The following CSMD1 variants were observed in gnomAD, a reference collection of about 807,000 sequenced individuals.
CSMD1 encodes the protein CUB and sushi domain-containing protein 1.
Under a neutral mutation model 417.5 loss-of-function variants are expected in CSMD1, and 213 were observed. The ratio of observed to expected loss-of-function variants is 0.51; its 90% confidence interval spans 0.46 to 0.57. CSMD1 has a LOEUF of 0.57. Ranked by LOEUF, CSMD1 falls within the 20% of genes least tolerant of loss-of-function variation. The pLI is 0.00. For missense variants in CSMD1, 6,923 were observed against 4,529.7 expected, an observed-to-expected ratio of 1.53 and a Z score of -15.17; for synonymous variants, 2,862 against 1,736.8, an observed-to-expected ratio of 1.65 and a Z score of -16.11.
At chr8:3,503,178 C>A (rs1314635001) in intron 10 of CSMD1, among the ~76,000 whole-genome samples, 1 of 152,152 alleles carries the variant, frequency 6.6e-6, no homozygotes, top group Non-Finnish European at 1.5e-5. Flanking sequence ...GAAAAAAGTA[C>A]TTTGAACACA....
intron 1 of CSMD1, among the ~76,000 whole-genome samples, chr8:4,832,563 T>A (rs1314551725): frequency 6.6e-6 from 1 of 152,160 alleles, no homozygotes; most frequent in Non-Finnish European, 1.5e-5. Context: ...TTTACAGAAA[T>A]GATTGGTTGT....
At chr8:4,078,346 G>A (rs559168901) in intron 3 of CSMD1, among the ~76,000 whole-genome samples, 9 of 122,382 alleles carry the variant, frequency 7.4e-5, no homozygotes, top group Admixed American at 2.9e-4. Flanking sequence ...AGGGAGTCTT[G>A]CTCTGTGTCG....
chr8:3,703,439 CAT>C (rs1585102223), intron 7 of CSMD1, among the ~76,000 whole-genome samples: 2 of 31,852 alleles, frequency 6.3e-5, no homozygotes, highest in East Asian at 8.3e-4. Flanking sequence ...TCTCCCTTTT[CAT>C]TCATTCATTC....
At chr8:4,005,463 G>A (rs939650825) in intron 4 of CSMD1, among the ~76,000 whole-genome samples, 2 of 152,086 alleles carry the variant, frequency 1.3e-5, no homozygotes, top group African/African-American at 4.8e-5. Context: ...TCAACATGGT[G>A]GCCGACATGA....
intron 8 of CSMD1, among the ~76,000 whole-genome samples, chr8:3,601,773 G>A (rs992118422): frequency 6.6e-6 from 1 of 152,188 alleles, no homozygotes; most frequent in Admixed American, 6.5e-5. Context: ...CATTCTCCCT[G>A]CTCCCTAATG....
chr8:4,176,367 C>G (rs1714786), intron 3 of CSMD1, among the ~76,000 whole-genome samples: 1 of 152,094 alleles, frequency 6.6e-6, no homozygotes, highest in African/African-American at 2.4e-5. Context: ...TGACAACAAT[C>G]TACACTCTTA....
intron 1 of CSMD1, among the ~76,000 whole-genome samples, chr8:4,872,625 G>C (rs1227500043): frequency 6.6e-6 from 1 of 152,064 alleles, no homozygotes; most frequent in African/African-American, 2.4e-5. Flanking sequence ...GTTCTTTACA[G>C]TGGTATGAAA....
At chr8:3,932,551 T>C (rs1810223765) in intron 5 of CSMD1, among the ~76,000 whole-genome samples, 1 of 150,622 alleles carries the variant, frequency 6.6e-6, no homozygotes, top group African/African-American at 2.4e-5. Flanking sequence ...ACAATTAAAG[T>C]TCAATGCATT....
At chr8:3,188,774 A>T in intron 35 of CSMD1, 113 bp downstream of exon 35, 2 of 920,310 alleles carry the variant, frequency 2.2e-6, no homozygotes, top group Non-Finnish European at 3.0e-6. Context: ...AAAGGAAAAA[A>T]GAGAGAGGGA....
chr8:4,884,448 T>C (rs1803598247), intron 1 of CSMD1, among the ~76,000 whole-genome samples: 1 of 152,016 alleles, frequency 6.6e-6, no homozygotes, highest in African/African-American at 2.4e-5. Context: ...GAAAACAAAA[T>C]TGCTTTCTAC....
intron 5 of CSMD1, among the ~76,000 whole-genome samples, chr8:3,774,410 C>G (rs191846009): frequency 6.6e-6 from 1 of 152,114 alleles, no homozygotes; most frequent in Admixed American, 6.6e-5. Context: ...TCAAAGATGC[C>G]GTCAGCCTGC....
rs1243729765 is a variant in CSMD1, at chr8:3,466,136, T to A, written c.1561+2576A>T. ...ATTTCTTAAGTTCTTACTCCATGTG[T>A]TATGAGCCTTACATGTTTTACTCAG... On this transcript the variant is annotated intron_variant, in intron 12 of 69. Coordinates refer to ENST00000635120, the MANE Select transcript of CSMD1 (RefSeq NM_033225.6). Among the ~76,000 whole-genome samples, 34 of 152,184 alleles carry A rather than the reference T, an allele frequency of 2.2e-4. 1 individual carries two copies.
intron 2 of CSMD1, among the ~76,000 whole-genome samples, chr8:4,589,899 T>C (rs973175729): frequency 3.3e-5 from 5 of 152,194 alleles, no homozygotes; most frequent in Non-Finnish European, 7.3e-5. Flanking sequence ...ACCTGCCTTC[T>C]GACACCATAG....
At chr8:3,542,101 A>C (rs943857726) in intron 10 of CSMD1, among the ~76,000 whole-genome samples, 13 of 152,206 alleles carry the variant, frequency 8.5e-5, no homozygotes, top group African/African-American at 2.9e-4. Flanking sequence ...ATAGTCTTTA[A>C]AAAATTCAAC....
chr8:3,758,301 G>T (rs11785304), intron 5 of CSMD1, among the ~76,000 whole-genome samples: 59,470 of 152,076 alleles, frequency 0.39, 12,190 homozygotes, highest in Non-Finnish European at 0.45. Context: ...AAGGGTGAGG[G>T]CTTTAGACCA....
chr8:3,750,481 C>T (rs1797281717), intron 6 of CSMD1, among the ~76,000 whole-genome samples: 1 of 151,584 alleles, frequency 6.6e-6, no homozygotes, highest in African/African-American at 2.4e-5. Context: ...CTTATTAGTC[C>T]CCAAATATCA....
intron 68 of CSMD1, 89 bp from the exon 69 acceptor site, chr8:2,942,693 C>A: frequency 1.0e-6 from 1 of 1,003,962 alleles, no homozygotes; most frequent in South Asian, 2.8e-5. Flanking sequence ...GATACGAACT[C>A]TTCAAGAAGC....
rs1809079499 is a variant in CSMD1 at position 3,018,657 on chromosome 8, G to A, written c.7856-7C>T. 2 of 1,605,796 alleles carry A rather than the reference G, an allele frequency of 1.2e-6. No homozygotes were observed. Among genetic ancestry groups the A allele is most frequent in the Non-Finnish European group, 1.7e-6 (2 of 1,175,078 alleles). Reference sequence around the variant, plus strand: ...AGGCTTCCACACGAGATAACTAGAAGGAAAAACAATAAAATGAACATCAAT... The same window carrying A: ...AGGCTTCCACACGAGATAACTAGAAAGAAAAACAATAAAATGAACATCAAT... On this transcript the variant is annotated splice_region_variant and splice_polypyrimidine_tract_variant and intron_variant, in intron 51 of 69. Transcript: ENST00000635120.
At chr8:3,283,740 G>A (rs997499434) in intron 26 of CSMD1, among the ~76,000 whole-genome samples, 4 of 152,214 alleles carry the variant, frequency 2.6e-5, no homozygotes, top group African/African-American at 9.6e-5. Context: ...ACACAGGGAA[G>A]AAGCTGAGCA....
Sources: gnomAD v4.1 joint callset for allele counts (sites outside exome capture counted in the v4.1 genomes callset) on GRCh38, gnomAD v4.1.1 for gene constraint, MANE v1.5 for transcripts, NCBI Gene and HGNC (gene_info 2026-07-23, HGNC 2026-07-21) for gene names.